PTPRM: variants seen among roughly 807,000 people sequenced by gnomAD.
PTPRM encodes the protein protein tyrosine phosphatase receptor type M.
In PTPRM, 47 loss-of-function variants were observed where a neutral mutation model predicts 186.7. That is an observed-to-expected ratio of 0.25 (90% CI 0.20 to 0.32). The LOEUF (loss-of-function observed/expected upper bound fraction) is 0.32, where lower values mean the gene tolerates loss of function less well. Ranked by LOEUF, PTPRM falls within the 10% of genes least tolerant of loss-of-function variation. The pLI is 1.00. For synonymous variants in PTPRM, 668 were observed against 674.9 expected, an observed-to-expected ratio of 0.99 and a Z score of 0.16; for missense variants, 1,494 against 1,865.0, an observed-to-expected ratio of 0.80 and a Z score of 3.66.
chr18:7,953,397 G>T (rs569358235), intron 6 of PTPRM, among the ~76,000 whole-genome samples: 8 of 152,146 alleles, frequency 5.3e-5, no homozygotes, highest in African/African-American at 1.9e-4. Context: ...TTCATGTCTC[G>T]GTTCAAGGAA....
At chr18:8,044,756 CA>C (rs67620203) in intron 7 of PTPRM, among the ~76,000 whole-genome samples, 3,623 of 104,598 alleles carry the variant, frequency 0.035, 103 homozygotes, top group African/African-American at 0.13. Flanking sequence ...GACTCTGTCT[CA>C]AAAAAAAAAA....
At chr18:8,069,545 C>T in intron 7 of PTPRM, 141 bp from the exon 8 acceptor site, 1 of 777,266 alleles carries the variant, frequency 1.3e-6, no homozygotes, top group East Asian at 2.7e-5. Context: ...AATGCCTAGC[C>T]AAGATTTAGG....
intron 3 of PTPRM, among the ~76,000 whole-genome samples, chr18:7,899,948 A>C (rs2049571535): frequency 6.6e-6 from 1 of 152,250 alleles, no homozygotes; most frequent in Non-Finnish European, 1.5e-5. Flanking sequence ...AATTGAAAAC[A>C]AGTCAAGCCA....
intron 1 of PTPRM, among the ~76,000 whole-genome samples, chr18:7,611,191 TAAA>T (rs143610791): frequency 2.0e-5 from 3 of 151,910 alleles, no homozygotes; most frequent in Non-Finnish European, 4.4e-5. Context: ...GTCAAAAAGT[TAAA>T]AAAAATTAAA....
At chr18:8,260,179 A>G (rs911109136) in intron 19 of PTPRM, among the ~76,000 whole-genome samples, 5 of 150,190 alleles carry the variant, frequency 3.3e-5, no homozygotes, top group African/African-American at 9.8e-5. Flanking sequence ...TGCTTTTTTC[A>G]TTTTTTTTAA....
At chr18:8,209,248 G>A (rs2093969990) in intron 14 of PTPRM, among the ~76,000 whole-genome samples, 1 of 152,174 alleles carries the variant, frequency 6.6e-6, no homozygotes, top group African/African-American at 2.4e-5. Context: ...AGGAGGCAAG[G>A]ACACAAGCGA....
intron 14 of PTPRM, among the ~76,000 whole-genome samples, chr18:8,176,564 A>G (rs1217788498): frequency 1.3e-5 from 2 of 152,242 alleles, no homozygotes; most frequent in African/African-American, 4.8e-5. Context: ...TTAACCCAAA[A>G]GAAAGTTCTC....
At chr18:7,583,957 C>T (rs1252801656) in intron 1 of PTPRM, among the ~76,000 whole-genome samples, 2 of 152,114 alleles carry the variant, frequency 1.3e-5, no homozygotes, top group African/African-American at 4.8e-5. Flanking sequence ...ATTTCATTGC[C>T]TTTTGAGGCT....
At chr18:8,025,746 A>G (rs1381235818) in intron 7 of PTPRM, among the ~76,000 whole-genome samples, 1 of 152,200 alleles carries the variant, frequency 6.6e-6, no homozygotes, top group Non-Finnish European at 1.5e-5. Flanking sequence ...AAGTAATTAA[A>G]CCATTCCGGA....
At chr18:7,735,704 C>G (rs2040754714) in intron 1 of PTPRM, among the ~76,000 whole-genome samples, 2 of 152,108 alleles carry the variant, frequency 1.3e-5, no homozygotes, top group Admixed American at 6.5e-5. Context: ...AAGAGATTAA[C>G]TAATAGTCTG....
intron 1 of PTPRM, among the ~76,000 whole-genome samples, chr18:7,620,212 C>T (rs1427199341): frequency 6.6e-6 from 1 of 152,182 alleles, no homozygotes; most frequent in Non-Finnish European, 1.5e-5. Context: ...ACACAGGAAC[C>T]ACTGTACCAG....
intron 1 of PTPRM, among the ~76,000 whole-genome samples, chr18:7,677,478 C>T (rs1410389523): frequency 1.3e-5 from 2 of 152,124 alleles, no homozygotes; most frequent in Admixed American, 1.3e-4. Context: ...AGCAGAAGGG[C>T]CACTGTTTAC....
intron 14 of PTPRM, among the ~76,000 whole-genome samples, chr18:8,228,085 C>G (rs569470490): frequency 6.6e-6 from 1 of 152,200 alleles, no homozygotes; most frequent in East Asian, 1.9e-4. Flanking sequence ...TGGCGTTAGG[C>G]GCTCACGTGA....
chr18:7,897,028 A>G (rs958279685), intron 3 of PTPRM, among the ~76,000 whole-genome samples: 1 of 152,218 alleles, frequency 6.6e-6, no homozygotes, highest in African/African-American at 2.4e-5. Context: ...GCCTAGAGAC[A>G]GTGTTTTAGA....
At chr18:8,019,547 A>G (rs1230982967) in intron 7 of PTPRM, among the ~76,000 whole-genome samples, 1 of 151,906 alleles carries the variant, frequency 6.6e-6, no homozygotes, top group Non-Finnish European at 1.5e-5. Flanking sequence ...ACTATGCAGC[A>G]GTGGAAAAGA....
intron 14 of PTPRM, chr18:8,154,414 A>G (rs1419625690): frequency 6.6e-6 from 1 of 152,220 alleles, no homozygotes; most frequent in African/African-American, 2.4e-5. Context: ...CCCAAGAGAC[A>G]GTGTGGGTGA....
At chr18:8,177,523 G>A (rs1413659719) in intron 14 of PTPRM, among the ~76,000 whole-genome samples, 3 of 152,224 alleles carry the variant, frequency 2.0e-5, no homozygotes, top group Non-Finnish European at 2.9e-5. Flanking sequence ...ATTGACGGAA[G>A]CTCAGCTGCT....
At chr18:7,590,377 T>C (rs1054022397) in intron 1 of PTPRM, among the ~76,000 whole-genome samples, 4 of 152,086 alleles carry the variant, frequency 2.6e-5, no homozygotes, top group Non-Finnish European at 5.9e-5. Context: ...GGGTGATGGG[T>C]CATCCAAAAC....
chr18:7,834,926 T>G (rs1399742348), intron 2 of PTPRM, among the ~76,000 whole-genome samples: 1 of 151,654 alleles, frequency 6.6e-6, no homozygotes, highest in Admixed American at 6.6e-5. Flanking sequence ...CACTAATGGT[T>G]TTTTGAATTT....
Sources: allele counts gnomAD v4.1 joint callset (sites outside exome capture counted in the v4.1 genomes callset), GRCh38; gene constraint gnomAD v4.1.1; transcripts MANE v1.5; gene names NCBI Gene and HGNC (gene_info 2026-07-23, HGNC 2026-07-21).